MINK1: variants seen among roughly 807,000 people sequenced by gnomAD.
MINK1 encodes misshapen-like kinase 1.
In MINK1, 46 loss-of-function variants were observed where a neutral mutation model predicts 178.4. The observed-to-expected ratio is 0.26, with a 90% CI of 0.20 to 0.33. The LOEUF is 0.33. Ranked by LOEUF, MINK1 falls within the 10% of genes least tolerant of loss-of-function variation. The pLI, the probability that MINK1 is intolerant of heterozygous loss-of-function variation, is 1.00. For synonymous variants in MINK1, 797 were observed against 709.7 expected, an observed-to-expected ratio of 1.12 and a Z score of -1.96; for missense variants, 1,366 against 1,814.9, an observed-to-expected ratio of 0.75 and a Z score of 4.49.
Position 4,894,415 on chromosome 17 carries a change from C to A in MINK1, c.2808+104C>A. 6.5e-7 allele frequency: 1 copy of A among 1,531,896 alleles called. No homozygotes were observed. The highest frequency in any genetic ancestry group is 2.4e-5 in the East Asian group (1 of 41,122). The allele number at this position is 1,531,896 out of a possible 1,614,324, so 94.9% of individuals were successfully genotyped here. Reference sequence around the variant, plus strand: ...AGAGGATGGGGCGGAGCGCTGGGAGCTGGACAGCGGGGGTGCCAGTTGGGG... The same window carrying A: ...AGAGGATGGGGCGGAGCGCTGGGAGATGGACAGCGGGGGTGCCAGTTGGGG... On this transcript the variant is annotated intron_variant, in intron 23 of 31. Coordinates refer to ENST00000355280, the MANE Select transcript of MINK1 (RefSeq NM_153827.5). The surrounding 1 kb of genome is among the most constrained non-coding windows in gnomAD (Gnocchi z 4.1).
At chr17:4,847,602 T>C (rs1197441169) in intron 1 of MINK1, among the ~76,000 whole-genome samples, 3 of 152,234 alleles carry the variant, frequency 2.0e-5, no homozygotes, top group Non-Finnish European at 4.4e-5. Flanking sequence ...AAATATGCTT[T>C]ATTTGTTCTC....
chr17:4,895,571 G>A lies in MINK1; in HGVS notation c.3229+78G>A. 6.5e-7 allele frequency: 1 copy of A among 1,546,932 alleles called. No individual in the cohort carries two copies. The highest frequency in any genetic ancestry group is 1.2e-5 in the South Asian group (1 of 80,640). ...TCACCATCTTCTGCCTGGGAGGAGG[G>A]CAGGCACTGGAAGGTGGGGCCACAC... On this transcript the variant is annotated intron_variant, in intron 26 of 31. Coordinates refer to ENST00000355280, the MANE Select transcript of MINK1 (RefSeq NM_153827.5). This position sits in a 1 kb window ranked among gnomAD's most constrained non-coding sequence, Gnocchi z 4.3.
chr17:4,848,677 A>C (rs540556024), intron 1 of MINK1, among the ~76,000 whole-genome samples: 1 of 148,914 alleles, frequency 6.7e-6, no homozygotes, highest in Non-Finnish European at 1.5e-5. Flanking sequence ...TGTATTTTTT[A>C]GTAGAGATGG....
Position 4,887,433 on chromosome 17 carries a change from G to A in MINK1, c.1020-147G>A. ...ACAGGACTGAAGACTGGGCAGAAGG[G>A]GACGGTAAGTCTCCTGGCCACCTGG... On this transcript the variant is annotated intron_variant, in intron 11 of 31. Transcript: ENST00000355280. This position sits in a 1 kb window ranked among gnomAD's most constrained non-coding sequence, Gnocchi z 7.6. 2 of 781,736 alleles carry A rather than the reference G, an allele frequency of 2.6e-6. No individual in the cohort carries two copies. The highest frequency in any genetic ancestry group is 2.0e-6 in the Non-Finnish European group (1 of 491,012). 48.4% of individuals were successfully genotyped at this position (781,736 alleles called of 1,614,324 possible).
At chr17:4,897,183 T>G (rs750319077) in intron 31 of MINK1, 21 bp from the exon 32 acceptor site, 1 of 1,610,232 alleles carries the variant, frequency 6.2e-7, no homozygotes, top group East Asian at 2.2e-5. Context: ...CCTTGGTGAC[T>G]TCTTCTCCTG....
In MINK1 at chr17:4,889,701, C is replaced by G. The variant is rs1188413712; in HGVS notation, c.1285C>G (p.Arg429Gly). The change falls in exon 13 of 32, where the codon CGG becomes GGG. Residue 429 changes from arginine (R) to glycine (G), a missense_variant. Arg to Gly is a moderately radical substitution (Grantham distance 125). This residue lies in a region of MINK1 where 87 missense variants were observed against 78.9 expected (regional missense o/e 1.10). Transcript: ENST00000355280. The stretch of plus-strand genomic sequence containing the variant: ...GCTGCAGGAGAAGGAGCAGCAGCGG[C>G]GGCTGGAGGACATGCAGGCTCTGCG... The part of the protein sequence containing the change: ...RKLQEKEQQR[R>G]LEDMQALRRE... The G allele has an allele frequency of 6.4e-7, 1 of 1,557,862 alleles. No individual in the cohort carries two copies. Among genetic ancestry groups the G allele is most frequent in the Non-Finnish European group, 8.7e-7 (1 of 1,153,552 alleles).
intron 1 of MINK1, among the ~76,000 whole-genome samples, chr17:4,871,894 T>C (rs1915900392): frequency 6.6e-6 from 1 of 152,184 alleles, no homozygotes; most frequent in Non-Finnish European, 1.5e-5. Context: ...TTGCCCAGGC[T>C]GAAGTACAGT....
chr17:4,894,590 G>T lies in MINK1; in HGVS notation c.2874G>T (p.Gly958=), dbSNP rs1442608662. 1.9e-6 allele frequency: 3 copies of T among 1,609,230 alleles called. No homozygotes were observed. The highest frequency in any genetic ancestry group is 2.2e-5 in the East Asian group (1 of 44,758). Residue 958 remains glycine, a synonymous_variant, in exon 24 of 32, where the codon GGG becomes GGT. Coordinates refer to ENST00000355280, the MANE Select transcript of MINK1 (RefSeq NM_153827.5). The surrounding 1 kb of genome is among the most constrained non-coding windows in gnomAD (Gnocchi z 4.1). Reference sequence around the variant, plus strand: ...CGTTCACGATGTTTGTGGATCTAGGGATCTACCAGCCTGGAGGCAGTGGGG... The same window carrying T: ...CGTTCACGATGTTTGTGGATCTAGGTATCTACCAGCCTGGAGGCAGTGGGG... The part of the protein sequence containing the change: ...KSSFTMFVDL[G]IYQPGGSGDS...
intron 1 of MINK1, chr17:4,847,200 C>A (rs948563925): frequency 6.2e-6 from 3 of 480,992 alleles, no homozygotes; most frequent in Non-Finnish European, 1.3e-5. Context: ...GCATGAGGAG[C>A]CGGGTGACCT....
intron 1 of MINK1, among the ~76,000 whole-genome samples, chr17:4,867,074 A>AAATAATAATAATAATAAT (rs56934978): frequency 0.1 from 12,378 of 119,744 alleles, 722 homozygotes; most frequent in Non-Finnish European, 0.11. Flanking sequence ...ACTCGTCTCA[A>AAATAATAATAATAATAAT]AATAATAATA....
intron 1 of MINK1, among the ~76,000 whole-genome samples, chr17:4,846,248 C>A (rs1252897480): frequency 1.3e-5 from 2 of 152,208 alleles, no homozygotes; most frequent in African/African-American, 4.8e-5. Context: ...CGTTTCCTCA[C>A]AATAGTGTCA....
At chr17:4,879,303 C>T (rs527573568) in intron 2 of MINK1, among the ~76,000 whole-genome samples, 184 of 152,332 alleles carry the variant, frequency 1.2e-3, no homozygotes, top group Non-Finnish European at 1.5e-3. Flanking sequence ...TGAATGCTGC[C>T]TCTGACTGGA....
chr17:4,843,374 A>G (rs566706844), intron 1 of MINK1, among the ~76,000 whole-genome samples: 1 of 152,086 alleles, frequency 6.6e-6, no homozygotes, highest in East Asian at 1.9e-4. Flanking sequence ...GCTACTGGGG[A>G]GGGTGAGGCA....
chr17:4,848,467 TCTC>T (rs1202595598), intron 1 of MINK1, among the ~76,000 whole-genome samples: 1 of 152,180 alleles, frequency 6.6e-6, no homozygotes, highest in African/African-American at 2.4e-5. Flanking sequence ...TTCATGCCAT[TCTC>T]CTGCCTCAGC....
At chr17:4,868,983 G>T (rs890852912) in intron 1 of MINK1, 14 of 159,302 alleles carry the variant, frequency 8.8e-5, no homozygotes, top group Middle Eastern at 3.0e-3. Context: ...GTGTGCAGTG[G>T]CGTAATCTCT....
chr17:4,870,989 C>A, intron 1 of MINK1: 1 of 253,320 alleles, frequency 3.9e-6, no homozygotes. Context: ...TCCTTCCTCC[C>A]AGCCCCTGGC....
intron 1 of MINK1, among the ~76,000 whole-genome samples, chr17:4,857,839 G>C (rs902327059): frequency 1.3e-5 from 2 of 151,948 alleles, no homozygotes; most frequent in African/African-American, 4.8e-5. Flanking sequence ...CACACACACA[G>C]CCTTTAGCTA....
rs1042625087 is a variant in MINK1, at chr17:4,838,172, C to T, written c.57+4532C>T. Among the ~76,000 whole-genome samples the T allele has an allele frequency of 4.6e-5, 7 of 152,126 alleles. No homozygotes were observed. The East Asian group carries it at 7.7e-4, about 17-fold the overall frequency. ...GGAAAATTGCAAAAGGGGAATGGGG[C>T]TGTTTGGAGAGCTCGAGGCATTTAG... On this transcript the variant is annotated intron_variant, in intron 1 of 31. Coordinates refer to ENST00000355280, the MANE Select transcript of MINK1 (RefSeq NM_153827.5).
At position 4,889,657 on chromosome 17, in the gene MINK1, G is replaced by C; in HGVS notation, c.1241G>C (p.Arg414Pro). ...TGGCTCTCCCCACAGCAACAGCGGC[G>C]GGAGCGGGAGCAGCGGAAGCTGCAG... ...ERRRVEEQQR[R>P]EREQRKLQEK... is the part of the protein sequence containing the mutation. Residue 414 changes from arginine (R) to proline (P), a missense_variant, in exon 13 of 32, where the codon CGG becomes CCG. By Grantham distance (103) the Arg-to-Pro change is moderately radical. Coordinates refer to ENST00000355280, the MANE Select transcript of MINK1 (RefSeq NM_153827.5). 1 of 1,567,116 alleles carries C rather than the reference G, an allele frequency of 6.4e-7. No homozygotes were observed. Among genetic ancestry groups the C allele is most frequent in the South Asian group, 1.2e-5 (1 of 85,700 alleles).
Sources: gnomAD v4.1 joint callset for allele counts (sites outside exome capture counted in the v4.1 genomes callset) on GRCh38, gnomAD v4.1.1 for gene constraint, gnomAD v4.1.1 regional missense constraint, Gnocchi (gnomAD v3.1) non-coding constraint, MANE v1.5 for transcripts, NCBI Gene and HGNC (gene_info 2026-07-23, HGNC 2026-07-21) for gene names.